TMSB4X: variants seen among roughly 807,000 people sequenced by gnomAD.
TMSB4X encodes the protein thymosin beta 4 X-linked, also known as thymosin beta-4.
In TMSB4X, 1 loss-of-function variant was observed where a neutral mutation model predicts 3.6. The observed-to-expected ratio is 0.28, with a 90% CI of 0.10 to 1.32. The LOEUF is 1.32. Ranked by LOEUF, TMSB4X falls within the 40% of genes most tolerant of loss-of-function variation. The pLI is 0.45. For missense variants in TMSB4X, 6 were observed against 32.7 expected, an observed-to-expected ratio of 0.18 and a Z score of 1.99; for synonymous variants, 12 against 14.3, an observed-to-expected ratio of 0.84 and a Z score of 0.36.
chrX:12,975,312 G>A (rs191992604), intron 1 of TMSB4X, 144 bp downstream of exon 1: 35 of 113,343 alleles, frequency 3.1e-4, no homozygotes, highest in Middle Eastern at 1.4e-3. Context: ...GAGCTGGGGG[G>A]ATGCGAAACA....
chrX:12,975,335 G>T (rs745781215), intron 1 of TMSB4X, 167 bp downstream of exon 1: 1 of 113,578 alleles, frequency 8.8e-6, no homozygotes, highest in African/African-American at 3.2e-5. Context: ...CTAGATACTG[G>T]ATAATGGGGT....
In TMSB4X at chrX:12,976,330, G is replaced by C. The variant is rs1468143765; in HGVS notation, c.69G>C (p.Thr23=). The C allele has an allele frequency of 7.4e-6, 9 of 1,209,247 alleles. No individual in the cohort carries two copies. The South Asian group carries it at 1.6e-4, about 21-fold the overall frequency. The part of the protein sequence containing the change: ...FDKSKLKKTE[T]QEKNPLPSKE... ...AGTCGAAACTGAAGAAGACAGAGAC[G>C]CAAGAGAAAAATCCACTGCCTTCCA... is the stretch of plus-strand genomic sequence containing the variant. The change falls in exon 2 of 3, where the codon ACG becomes ACC. Residue 23 remains threonine, a synonymous_variant. Transcript: ENST00000451311.
intron 2 of TMSB4X, 118 bp downstream of exon 2, chrX:12,976,479 C>T: frequency 1.6e-6 from 1 of 644,410 alleles, no homozygotes; most frequent in Non-Finnish European, 2.4e-6. Flanking sequence ...GGGGAAGAGC[C>T]GACAGTTGAT....
intron 2 of TMSB4X, among the ~76,000 whole-genome samples, 184 bp from the exon 3 acceptor site, chrX:12,976,589 TACAA>T (rs961559630): frequency 1.1e-4 from 12 of 112,389 alleles, no homozygotes; most frequent in Admixed American, 2.8e-4. Context: ...CATATTAATA[TACAA>T]ACATTTATCC....
rs1179965305 is a variant in TMSB4X at position 12,977,015 on chromosome X, A to G, written c.*204A>G. The G allele has an allele frequency of 4.2e-6, 2 of 475,740 alleles. No homozygotes were observed. The highest frequency in any genetic ancestry group is 7.1e-6 in the Non-Finnish European group (2 of 282,869). 39.2% of individuals were successfully genotyped at this position (475,740 alleles called of 1,213,427 possible). ...TGTCTATCTATCTGGCTGGCAGGGA[A>G]GGAAAGAACTTGCATGTTGGTGAAG... On this transcript the variant is annotated 3_prime_UTR_variant, in exon 3 of 3. Transcript: ENST00000451311.
chrX:12,976,101 C>G (rs189375026), intron 1 of TMSB4X, 145 bp from the exon 2 acceptor site: 2 of 434,891 alleles, frequency 4.6e-6, no homozygotes, highest in Non-Finnish European at 8.1e-6. Flanking sequence ...AAAGAGGAAG[C>G]TCGTGAGCGC....
intron 1 of TMSB4X, chrX:12,975,389 T>C (rs1201740278): frequency 3.5e-5 from 4 of 113,745 alleles, no homozygotes; most frequent in African/African-American, 6.5e-5. Context: ...AACTGGCGTT[T>C]TGCCGTGCCG....
At position 12,976,923 on chromosome X, in the gene TMSB4X, A is replaced by G. The variant is rs1393399895; in HGVS notation, c.*112A>G. ...TGCAAAGAGGTTGGATCAAGTTTAAATGACTGTGCTGCCCCTTTCACATCA... is the reference window on the plus strand; with the variant it reads ...TGCAAAGAGGTTGGATCAAGTTTAAGTGACTGTGCTGCCCCTTTCACATCA... On this transcript the variant is annotated 3_prime_UTR_variant, in exon 3 of 3. Coordinates refer to ENST00000451311, the MANE Select transcript of TMSB4X (RefSeq NM_021109.4). 2 of 868,466 alleles carry G rather than the reference A, an allele frequency of 2.3e-6. No individual in the cohort carries two copies. Among genetic ancestry groups the G allele is most frequent in the East Asian group, 3.1e-5 (1 of 32,011 alleles). 71.6% of individuals were successfully genotyped at this position (868,466 alleles called of 1,213,427 possible). A position where few individuals can be genotyped will look rare whatever the true frequency, so the allele number is the denominator to read the frequency against.
chrX:12,976,658 G>GA, intron 2 of TMSB4X, 119 bp from the exon 3 acceptor site: 1 of 799,041 alleles, frequency 1.3e-6, no homozygotes, highest in South Asian at 2.3e-5. Flanking sequence ...TTCCATTGTG[G>GA]AATACCGTGT....
chrX:12,976,067 G>T, intron 1 of TMSB4X, 179 bp from the exon 2 acceptor site: 1 of 409,198 alleles, frequency 2.4e-6, no homozygotes. Flanking sequence ...AGGGGCGCGG[G>T]GGGTGTCGCC....
chrX:12,975,584 G>C (rs781125291), intron 1 of TMSB4X: 1 of 113,385 alleles, frequency 8.8e-6, no homozygotes, highest in South Asian at 3.5e-4. Flanking sequence ...CGGCGGCGGG[G>C]CTGTGCTATG....
intron 1 of TMSB4X, 172 bp downstream of exon 1, chrX:12,975,340 T>C (rs1235377541): frequency 1.8e-5 from 2 of 112,973 alleles, no homozygotes; most frequent in African/African-American, 6.5e-5. Flanking sequence ...TACTGGATAA[T>C]GGGGTGGGGA....
rs780027088 is a variant in TMSB4X at position 12,976,060 on chromosome X, G to A, written c.-16-186G>A. ...AGCGTTTTGAAATATGGGGAGGAGG[G>A]GCGCGGGGGGTGTCGCCTCTTTTTC... is the stretch of plus-strand genomic sequence containing the variant. On this transcript the variant is annotated intron_variant, in intron 1 of 2. Coordinates refer to ENST00000451311, the MANE Select transcript of TMSB4X (RefSeq NM_021109.4). The A allele has an allele frequency of 1.3e-4, 52 of 402,624 alleles. No homozygotes were observed. In the Admixed American group the frequency reaches 1.9e-3, roughly 15 times the overall value. 33.2% of individuals were successfully genotyped at this position (402,624 alleles called of 1,213,427 possible).
At chrX:12,975,955 G>C in intron 1 of TMSB4X, 1 of 186,909 alleles carries the variant, frequency 5.4e-6, no homozygotes. Flanking sequence ...TTTAAACGCT[G>C]TAATTAACAA....
intron 1 of TMSB4X, chrX:12,975,530 T>C (rs746607274): frequency 8.8e-6 from 1 of 113,329 alleles, no homozygotes; most frequent in South Asian, 3.6e-4. Flanking sequence ...CCGAGCCTCC[T>C]CCCAGCCTCG....
chrX:12,975,444 G>C (rs946738783), intron 1 of TMSB4X: 1 of 113,320 alleles, frequency 8.8e-6, no homozygotes, highest in Admixed American at 9.3e-5. Context: ...GCCCGCAAAG[G>C]TATTGTGCGT....
rs2043300599 is a variant in TMSB4X at position 12,977,060 on chromosome X, AGT to A, written c.*251_*252del. 3 of 406,967 alleles carry A rather than the reference AGT, an allele frequency of 7.4e-6. No homozygotes were observed. In the East Asian group the frequency reaches 1.3e-4, roughly 18 times the overall value. 33.5% of individuals were successfully genotyped at this position (406,967 alleles called of 1,213,427 possible). A position where few individuals can be genotyped will look rare whatever the true frequency, so the allele number is the denominator to read the frequency against. On this transcript the variant is annotated 3_prime_UTR_variant, in exon 3 of 3. Coordinates refer to ENST00000451311, the MANE Select transcript of TMSB4X (RefSeq NM_021109.4). Reference sequence around the variant, plus strand: ...GTGAAGGAAGAAGTGGGGTGGAAGAAGTGGGGTGGGACGACAGTGAAATCTAG... The same window carrying A: ...GTGAAGGAAGAAGTGGGGTGGAAGAAGGGGTGGGACGACAGTGAAATCTAG...
intron 1 of TMSB4X, chrX:12,975,636 A>G (rs1049824598): frequency 8.8e-6 from 1 of 113,608 alleles, no homozygotes; most frequent in Non-Finnish European, 1.9e-5. Flanking sequence ...TGTGCCAGGG[A>G]TGCCGAATTG....
In TMSB4X at chrX:12,977,126, A is replaced by G. The variant is rs185340756; in HGVS notation, c.*315A>G. On this transcript the variant is annotated 3_prime_UTR_variant, in exon 3 of 3. Coordinates refer to ENST00000451311, the MANE Select transcript of TMSB4X (RefSeq NM_021109.4). ...TGGCCCAAGGTGTCCTGCAGGCTGT[A>G]ATGCAGTTTAATCAGAGTGCCATTT... 1.5e-3 allele frequency: 382 copies of G among 261,426 alleles called. No homozygotes were observed. The highest frequency in any genetic ancestry group is 0.01 in the African/African-American group (352 of 34,941). 21.5% of individuals were successfully genotyped at this position (261,426 alleles called of 1,213,427 possible). A position where few individuals can be genotyped will look rare whatever the true frequency, so the allele number is the denominator to read the frequency against.
Sources: allele counts gnomAD v4.1 joint callset (sites outside exome capture counted in the v4.1 genomes callset), GRCh38; gene constraint gnomAD v4.1.1; transcripts MANE v1.5; gene names NCBI Gene and HGNC (gene_info 2026-07-23, HGNC 2026-07-21).